The following ANKRD31 variants were observed in gnomAD, a reference collection of about 807,000 sequenced individuals.
ANKRD31 encodes the protein ankyrin repeat domain-containing protein 31.
A neutral mutation model predicts 186.0 loss-of-function variants in ANKRD31; 147 were observed. The observed-to-expected ratio is 0.79, with a 90% CI of 0.69 to 0.91. The LOEUF (loss-of-function observed/expected upper bound fraction) is 0.91, where lower values mean the gene tolerates loss of function less well. ANKRD31 is among the 40% of genes least tolerant of loss of function. The pLI is 0.00. For missense variants in ANKRD31, 1,986 were observed against 2,148.8 expected (o/e 0.92, Z 1.50); for synonymous variants, 673 against 736.4 (o/e 0.91, Z 1.39).
chr5:75,145,355 T>C (rs2150142213), intron 14 of ANKRD31, among the ~76,000 whole-genome samples: 1 of 152,076 alleles, frequency 6.6e-6, no homozygotes, highest in East Asian at 1.9e-4. Flanking sequence ...CCATCAATGA[T>C]AGACTGGATA....
At chr5:75,075,937 C>T (rs764736027) in intron 25 of ANKRD31, among the ~76,000 whole-genome samples, 14 of 152,266 alleles carry the variant, frequency 9.2e-5, no homozygotes, top group Admixed American at 2.0e-4. Context: ...AGTTGATACA[C>T]GAGGTTCACT....
chr5:75,169,953 T>C (rs1357667122), intron 10 of ANKRD31, among the ~76,000 whole-genome samples: 3 of 151,700 alleles, frequency 2.0e-5, no homozygotes, highest in African/African-American at 7.3e-5. Flanking sequence ...GGGGAGGGGG[T>C]GGGAGCAAAA....
chr5:75,145,552 A>G (rs1751372611), intron 14 of ANKRD31, among the ~76,000 whole-genome samples: 2 of 152,046 alleles, frequency 1.3e-5, no homozygotes, highest in East Asian at 3.9e-4. Context: ...ACACATGGTG[A>G]GGGGAACATC....
intron 15 of ANKRD31, 140 bp from the exon 16 acceptor site, chr5:75,139,123 T>C (rs1359427893): frequency 1.4e-5 from 14 of 978,768 alleles, no homozygotes; most frequent in African/African-American, 3.3e-5. Context: ...TTGCTGTTAT[T>C]GTTTTAATAT....
intron 19 of ANKRD31, among the ~76,000 whole-genome samples, chr5:75,114,222 G>T (rs1006660874): frequency 6.6e-6 from 1 of 152,012 alleles, no homozygotes; most frequent in Non-Finnish European, 1.5e-5. Context: ...GCTAAACCAG[G>T]CTGCTTAATC....
At chr5:75,177,829 C>G (rs374422268) in intron 10 of ANKRD31, among the ~76,000 whole-genome samples, 2 of 152,094 alleles carry the variant, frequency 1.3e-5, no homozygotes, top group Non-Finnish European at 2.9e-5. Flanking sequence ...CATCAACTAA[C>G]GAGCAAAATA....
chr5:75,152,808 T>C (rs1275886875), intron 12 of ANKRD31, among the ~76,000 whole-genome samples: 1 of 151,934 alleles, frequency 6.6e-6, no homozygotes, highest in African/African-American at 2.4e-5. Flanking sequence ...CTATGGGGAA[T>C]GTCTAAGCAG....
chr5:75,171,696 TA>T (rs199717543), intron 10 of ANKRD31, among the ~76,000 whole-genome samples: 2 of 148,292 alleles, frequency 1.3e-5, no homozygotes, highest in East Asian at 2.0e-4. Flanking sequence ...ATAATACAAC[TA>T]AAAAAAAACC....
intron 13 of ANKRD31, 22 bp from the exon 14 acceptor site, chr5:75,147,527 T>C (rs1013077349): frequency 1.5e-6 from 2 of 1,368,992 alleles, no homozygotes; most frequent in African/African-American, 1.5e-5. Flanking sequence ...AAATACATAG[T>C]TAGCTTTAAT....
chr5:75,191,365 G>A (rs1033734292), intron 9 of ANKRD31, among the ~76,000 whole-genome samples: 2 of 151,872 alleles, frequency 1.3e-5, no homozygotes, highest in East Asian at 3.9e-4. Flanking sequence ...GTCTATTCCT[G>A]CTCCAGTGTC....
chr5:75,070,114 A>C (rs919429846), intron 25 of ANKRD31, among the ~76,000 whole-genome samples: 1 of 152,186 alleles, frequency 6.6e-6, no homozygotes, highest in African/African-American at 2.4e-5. Flanking sequence ...CTTATAATCC[A>C]AAGAATTTAA....
At chr5:75,179,546 G>A (rs1385107526) in intron 10 of ANKRD31, among the ~76,000 whole-genome samples, 1 of 152,106 alleles carries the variant, frequency 6.6e-6, no homozygotes, top group African/African-American at 2.4e-5. Context: ...ATGATCAAGT[G>A]GGCTTCATCA....
intron 12 of ANKRD31, among the ~76,000 whole-genome samples, chr5:75,150,702 A>G (rs1386655706): frequency 6.6e-6 from 1 of 151,990 alleles, no homozygotes; most frequent in Non-Finnish European, 1.5e-5. Flanking sequence ...GATTTGGAGA[A>G]AAGACTAGAA....
In ANKRD31 at chr5:75,091,260, C is replaced by T; in HGVS notation, c.5472+1G>A. 1 of 1,534,614 alleles carries T rather than the reference C, an allele frequency of 6.5e-7. No homozygotes were observed. The highest frequency in any genetic ancestry group is 8.7e-7 in the Non-Finnish European group (1 of 1,146,258). On this transcript the variant is annotated splice_donor_variant, in intron 23 of 25. Coordinates refer to ENST00000506364, the MANE Select transcript of ANKRD31 (RefSeq NM_001372053.1). LOFTEE classifies it high-confidence loss of function. ...TAAAGATAAACTTAAGAATGACCCA[C>T]CTTACTCCAAGCATAATTCCAGGTC... is the stretch of plus-strand genomic sequence containing the variant.
Position 75,195,909 on chromosome 5 carries a change from C to CA in ANKRD31, c.738dup (p.Asp247Ter). 6.5e-7 allele frequency: 1 copy of CA among 1,536,424 alleles called. No individual in the cohort carries two copies. Among genetic ancestry groups the CA allele is most frequent in the Non-Finnish European group, 8.7e-7 (1 of 1,146,402 alleles). On this transcript the variant is annotated frameshift_variant, in exon 7 of 26. Transcript: ENST00000506364. LOFTEE classifies it high-confidence loss of function. ...AATGGGTTCATCAATTCTTTACGAT[C>CA]AAAATCACTTACTAATTCAAACAAT...
intron 2 of ANKRD31, among the ~76,000 whole-genome samples, chr5:75,228,343 T>C (rs952392893): frequency 6.6e-6 from 1 of 152,236 alleles, no homozygotes; most frequent in Non-Finnish European, 1.5e-5. Flanking sequence ...TTTTCATTTA[T>C]CGTTGCAAAA....
At chr5:75,234,283 T>C (rs1481280180) in intron 1 of ANKRD31, among the ~76,000 whole-genome samples, 1 of 152,226 alleles carries the variant, frequency 6.6e-6, no homozygotes, top group Non-Finnish European at 1.5e-5. Context: ...TAGGTCAGAT[T>C]TCTATCTCAT....
intron 3 of ANKRD31, among the ~76,000 whole-genome samples, chr5:75,215,405 GC>G (rs1756905679): frequency 6.6e-6 from 1 of 152,044 alleles, no homozygotes; most frequent in Non-Finnish European, 1.5e-5. Flanking sequence ...GAACCATCAT[GC>G]CCCCCTAATT....
chr5:75,137,884 T>G lies in ANKRD31; in HGVS notation c.3848A>C (p.His1283Pro). ...TAAATGATTGTTTGCAACAGCATCA[T>G]GTAAGGGCAGAATTCCATCTATATT... is the stretch of plus-strand genomic sequence containing the variant. ...CENIDGILPL[H>P]DAVANNHLKA... Residue 1283 changes from histidine to proline, a missense_variant, in exon 17 of 26, where the codon CAT (histidine) becomes CCT (proline). Physicochemically the swap from His to Pro is moderately conservative, Grantham distance 77. Transcript: ENST00000506364. The G allele has an allele frequency of 6.5e-7, 1 of 1,531,766 alleles. No individual in the cohort carries two copies. The highest frequency in any genetic ancestry group is 1.2e-5 in the South Asian group (1 of 82,920). 94.9% of individuals were successfully genotyped at this position (1,531,766 alleles called of 1,614,324 possible). A position where few individuals can be genotyped will look rare whatever the true frequency, so the allele number is the denominator to read the frequency against.
Sources: gnomAD v4.1 joint callset for allele counts (sites outside exome capture counted in the v4.1 genomes callset) on GRCh38, gnomAD v4.1.1 for gene constraint, MANE v1.5 for transcripts, NCBI Gene and HGNC (gene_info 2026-07-23, HGNC 2026-07-21) for gene names.